Variants in DENND1B observed in about 807,000 individuals in gnomAD.
The protein encoded by DENND1B is DENN domain containing 1B, also known as DENN domain-containing protein 1B.
In DENND1B, 59 loss-of-function variants were observed where a neutral mutation model predicts 90.1. The ratio of observed to expected loss-of-function variants is 0.65; its 90% CI spans 0.53 to 0.81. DENND1B has a LOEUF of 0.81. Among genes scored for constraint, DENND1B ranks in the 40% least tolerant of loss-of-function variants. The pLI, the probability that DENND1B is intolerant of heterozygous loss-of-function variation, is 0.00. For synonymous variants in DENND1B, 337 were observed against 324.6 expected, an observed-to-expected ratio of 1.04 and a Z score of -0.41; for missense variants, 862 against 912.6, an observed-to-expected ratio of 0.94 and a Z score of 0.71.
chr1:197,750,599 T>TAGAC (rs1558478428), intron 2 of DENND1B, among the ~76,000 whole-genome samples: 1 of 151,788 alleles, frequency 6.6e-6, no homozygotes, highest in Non-Finnish European at 1.5e-5. Context: ...GATAGATAGA[T>TAGAC]AGATAGATAG....
chr1:197,740,612 T>A (rs1663126432), intron 2 of DENND1B, among the ~76,000 whole-genome samples: 1 of 152,156 alleles, frequency 6.6e-6, no homozygotes, highest in African/African-American at 2.4e-5. Flanking sequence ...GTTGAAGAAC[T>A]AAACAATAAT....
intron 13 of DENND1B, chr1:197,606,264 G>GCACA (rs1176804110): frequency 2.0e-5 from 3 of 149,644 alleles, no homozygotes. Flanking sequence ...GCAGACACAC[G>GCACA]CACACACACA....
At chr1:197,736,059 G>C (rs769704440) in intron 2 of DENND1B, 1 of 847,358 alleles carries the variant, frequency 1.2e-6, no homozygotes, top group Non-Finnish European at 2.0e-6. Context: ...CTAAGTAAAT[G>C]ATTGTGAAGC....
At chr1:197,641,513 A>G (rs1033366439) in intron 10 of DENND1B, among the ~76,000 whole-genome samples, 1 of 152,122 alleles carries the variant, frequency 6.6e-6, no homozygotes, top group African/African-American at 2.4e-5. Flanking sequence ...AAATGCATAT[A>G]TTTTTCAATA....
chr1:197,772,113 C>T (rs1656695000), intron 2 of DENND1B, among the ~76,000 whole-genome samples: 1 of 152,190 alleles, frequency 6.6e-6, no homozygotes, highest in Non-Finnish European at 1.5e-5. Context: ...AGGGGCTACT[C>T]AGTCTGCATT....
Position 197,775,460 on chromosome 1 carries a change from G to T in DENND1B, c.-305C>A. Reference sequence around the variant, plus strand: ...GTTCCTGCGACCGGGGCCGCCCGCTGCGGCTCCTGCACCTTCTTGCAAATC... The same window carrying T: ...GTTCCTGCGACCGGGGCCGCCCGCTTCGGCTCCTGCACCTTCTTGCAAATC... On this transcript the variant is annotated 5_prime_UTR_variant, in exon 1 of 23. Transcript: ENST00000620048. 1 of 263,774 alleles carries T rather than the reference G, an allele frequency of 3.8e-6. No homozygotes were observed. Among genetic ancestry groups the T allele is most frequent in the Non-Finnish European group, 7.1e-6 (1 of 140,152 alleles). 16.3% of individuals were successfully genotyped at this position (263,774 alleles called of 1,614,324 possible). A position where few individuals can be genotyped will look rare whatever the true frequency, so the allele number is the denominator to read the frequency against.
intron 2 of DENND1B, among the ~76,000 whole-genome samples, chr1:197,754,757 G>C (rs938800125): frequency 1.3e-5 from 2 of 150,048 alleles, no homozygotes; most frequent in East Asian, 1.9e-4. Flanking sequence ...GTAATGGTTA[G>C]ATAATAGGAT....
Position 197,506,830 on chromosome 1 carries a change from G to A in DENND1B, c.*3630C>T, listed in dbSNP as rs552058774. 5.3e-5 allele frequency: 8 copies of A among 151,518 alleles called. No homozygotes were observed. The highest frequency in any genetic ancestry group is 1.9e-4 in the African/African-American group (8 of 41,472). The allele number at this position is 151,518 out of a possible 1,614,324, so 9.4% of individuals were successfully genotyped here. ...CCATTAACATGCATCCACACCTTCA[G>A]TTACTCCTAAACTGAGTACAGTGGC... On this transcript the variant is annotated 3_prime_UTR_variant, in exon 23 of 23. Coordinates refer to ENST00000620048, the MANE Select transcript of DENND1B (RefSeq NM_001195215.2).
At chr1:197,676,673 A>G (rs1656111096) in intron 3 of DENND1B, among the ~76,000 whole-genome samples, 1 of 152,204 alleles carries the variant, frequency 6.6e-6, no homozygotes, top group Non-Finnish European at 1.5e-5. Context: ...GAATAATAAA[A>G]AGAATGGATG....
At chr1:197,612,081 A>G in intron 11 of DENND1B, 105 bp from the exon 12 acceptor site, 1 of 869,496 alleles carries the variant, frequency 1.2e-6, no homozygotes, top group Non-Finnish European at 1.8e-6. Context: ...TTAAATGCTC[A>G]GTTCCAGCAT....
In DENND1B at chr1:197,510,627, G is replaced by A. The variant is rs143462572; in HGVS notation, c.2161C>T (p.Arg721Trp). ...SDDLLIPGLGRHSSTFVPWEK... is the reference protein window; with the variant it reads ...SDDLLIPGLGWHSSTFVPWEK... ...CAAGGAACAAAAGTCGATGAATGCC[G>A]CCCAAGACCGGGTATAAGCAGATCA... Residue 721 changes from arginine (R) to tryptophan (W), a missense_variant, in exon 23 of 23, where the codon CGG becomes TGG. Physicochemically the swap from Arg to Trp is moderately radical, Grantham distance 101 (BLOSUM62 -3). Transcript: ENST00000620048. 292 of 1,612,642 alleles carry A rather than the reference G, an allele frequency of 1.8e-4. No individual in the cohort carries two copies. Among genetic ancestry groups the A allele is most frequent in the Non-Finnish European group, 2.1e-4 (253 of 1,179,226 alleles).
chr1:197,678,616 C>T (rs140784198), intron 3 of DENND1B, among the ~76,000 whole-genome samples: 1 of 152,032 alleles, frequency 6.6e-6, no homozygotes, highest in Non-Finnish European at 1.5e-5. Flanking sequence ...TCAGGGACAC[C>T]GTCAGATATT....
intron 2 of DENND1B, among the ~76,000 whole-genome samples, chr1:197,753,455 T>C (rs989862320): frequency 2.0e-5 from 3 of 152,040 alleles, no homozygotes; most frequent in Admixed American, 6.5e-5. Context: ...ACTATTTCTG[T>C]TTGATACTAT....
chr1:197,728,197 T>TA (rs1219609686), intron 2 of DENND1B, among the ~76,000 whole-genome samples: 3 of 152,290 alleles, frequency 2.0e-5, no homozygotes, highest in East Asian at 3.9e-4. Context: ...TACAATTGTT[T>TA]AAAAACTCCC....
intron 16 of DENND1B, among the ~76,000 whole-genome samples, chr1:197,550,257 C>T (rs978906969): frequency 3.9e-5 from 6 of 152,032 alleles, no homozygotes; most frequent in Non-Finnish European, 5.9e-5. Context: ...TTAAGTATTA[C>T]TCTTGTTTAC....
At chr1:197,665,801 C>T (rs1244779226) in intron 5 of DENND1B, among the ~76,000 whole-genome samples, 1 of 151,902 alleles carries the variant, frequency 6.6e-6, no homozygotes, top group South Asian at 2.1e-4. Flanking sequence ...AGATAGCTCA[C>T]AAATGAGAAG....
At chr1:197,664,993 T>C (rs1316126105) in intron 5 of DENND1B, among the ~76,000 whole-genome samples, 1 of 152,132 alleles carries the variant, frequency 6.6e-6, no homozygotes, top group East Asian at 1.9e-4. Context: ...TCTTGCATTT[T>C]TGCTAGCATA....
chr1:197,611,290 C>T (rs1558304318), intron 12 of DENND1B, among the ~76,000 whole-genome samples: 1 of 150,748 alleles, frequency 6.6e-6, no homozygotes, highest in East Asian at 1.9e-4. Flanking sequence ...TATACCAAGA[C>T]CTTCCTGGAA....
intron 1 of DENND1B, among the ~76,000 whole-genome samples, chr1:197,773,229 T>C (rs1656845582): frequency 6.6e-6 from 1 of 152,196 alleles, no homozygotes; most frequent in South Asian, 2.1e-4. Flanking sequence ...ATAAATCAAA[T>C]AACATATGTG....
Sources: gnomAD v4.1 joint callset for allele counts (sites outside exome capture counted in the v4.1 genomes callset) on GRCh38, gnomAD v4.1.1 for gene constraint, MANE v1.5 for transcripts, NCBI Gene and HGNC (gene_info 2026-07-23, HGNC 2026-07-21) for gene names.